Variants in GART observed in about 807,000 individuals in gnomAD.
GART encodes phosphoribosylglycinamide formyltransferase, phosphoribosylglycinamide synthetase, phosphoribosylaminoimidazole synthetase, also known as trifunctional purine biosynthetic protein adenosine-3.
GART carries 43 observed loss-of-function variants against 107.2 expected under a neutral mutation model. The observed-to-expected ratio is 0.40, with a 90% CI of 0.31 to 0.52. The LOEUF (loss-of-function observed/expected upper bound fraction) is 0.52. Ranked by LOEUF, GART falls within the 20% of genes least tolerant of loss-of-function variation. The pLI, the probability that GART is intolerant of heterozygous loss-of-function variation, is 0.52. For synonymous variants in GART, 434 were observed against 427.0 expected (o/e 1.02, Z -0.20); for missense variants, 1,107 against 1,206.5 (o/e 0.92, Z 1.22).
In GART at chr21:33,528,618, G is replaced by GAA. The variant is rs397806524; in HGVS notation, c.812-16_812-15dup. On this transcript the variant is annotated splice_polypyrimidine_tract_variant and intron_variant, in intron 8 of 21. Transcript: ENST00000381815. Reference sequence around the variant, plus strand: ...CATAGAGAATACCTTCATTAAAAAAGAAAAAAAAAAAAAAGAGAGAAAGAA... The same window carrying GAA: ...CATAGAGAATACCTTCATTAAAAAAGAAAAAAAAAAAAAAAAGAGAGAAAGAA... 47,099 of 1,032,424 alleles carry GAA rather than the reference G, an allele frequency of 0.046. 6 individuals are homozygous for GAA. Among genetic ancestry groups the GAA allele is most frequent in the South Asian group, 0.051 (2,988 of 58,382 alleles). 64.0% of individuals were successfully genotyped at this position (1,032,424 alleles called of 1,614,324 possible). A position where few individuals can be genotyped will look rare whatever the true frequency, so the allele number is the denominator to read the frequency against.
chr21:33,505,781 A>G, intron 19 of GART, 79 bp from the exon 20 acceptor site: 6 of 1,373,484 alleles, frequency 4.4e-6, no homozygotes, highest in Non-Finnish European at 6.0e-6. Flanking sequence ...TACACAGACC[A>G]TACTTCACTT....
chr21:33,530,595 T>G, intron 7 of GART, 164 bp downstream of exon 7: 7 of 658,710 alleles, frequency 1.1e-5, no homozygotes, highest in Non-Finnish European at 1.5e-5. Flanking sequence ...TAGGAAAAGT[T>G]AGTTTTAGAG....
At chr21:33,530,593 G>T in intron 7 of GART, 166 bp downstream of exon 7, 1 of 647,680 alleles carries the variant, frequency 1.5e-6, no homozygotes, top group Non-Finnish European at 2.2e-6. Flanking sequence ...TTTAGGAAAA[G>T]TTAGTTTTAG....
At chr21:33,531,840 T>A (rs549090621) in intron 5 of GART, 1 of 371,598 alleles carries the variant, frequency 2.7e-6, no homozygotes, top group Non-Finnish European at 4.8e-6. Flanking sequence ...GAAAAACAGA[T>A]GTTTTCATTA....
chr21:33,522,194 T>G lies in GART; in HGVS notation c.1387A>C (p.Arg463=). The G allele has an allele frequency of 6.2e-7, 1 of 1,611,908 alleles. No individual in the cohort carries two copies. Among genetic ancestry groups the G allele is most frequent in the Non-Finnish European group, 8.5e-7 (1 of 1,178,082 alleles). Residue 463 remains arginine (R), a synonymous_variant, in exon 12 of 22, where the codon AGA becomes CGA. Transcript: ENST00000381815. ...KIQPLAKATS[R]SGCKVDLGGF... Reference sequence around the variant, plus strand: ...AAAGTATAGGATCACTGACCTGATCTGGAAGTGGCTTTTGCTAAAGGCTGA... The same window carrying G: ...AAAGTATAGGATCACTGACCTGATCGGGAAGTGGCTTTTGCTAAAGGCTGA...
At chr21:33,515,598 CCACTGCACTCCAGTCTGGCGA>C (rs756063987) in intron 16 of GART, among the ~76,000 whole-genome samples, 3 of 146,712 alleles carry the variant, frequency 2.0e-5, no homozygotes, top group Non-Finnish European at 4.5e-5. Context: ...TGCGATTGCG[CCACTGCACTCCAGTCTGGCGA>C]CTCCAGCCTG....
intron 14 of GART, among the ~76,000 whole-genome samples, chr21:33,520,005 C>T (rs1439502475): frequency 2.0e-5 from 3 of 151,998 alleles, no homozygotes; most frequent in Admixed American, 6.6e-5. Flanking sequence ...AGGAACCCAT[C>T]TGCCTGTACC....
At chr21:33,541,608 C>T (rs375684356) in intron 1 of GART, among the ~76,000 whole-genome samples, 1 of 152,174 alleles carries the variant, frequency 6.6e-6, no homozygotes, top group Non-Finnish European at 1.5e-5. Context: ...TGGGTAGAGA[C>T]GCTGCCCCAT....
Position 33,535,325 on chromosome 21 carries a change from A to G in GART, c.146-5T>C. 1.4e-6 allele frequency: 2 copies of G among 1,382,488 alleles called. No homozygotes were observed. The highest frequency in any genetic ancestry group is 2.0e-6 in the Non-Finnish European group (2 of 1,016,264). The allele number at this position is 1,382,488 out of a possible 1,614,324, so 85.6% of individuals were successfully genotyped here. A position where few individuals can be genotyped will look rare whatever the true frequency, so the allele number is the denominator to read the frequency against. On this transcript the variant is annotated splice_polypyrimidine_tract_variant and splice_region_variant and intron_variant, in intron 2 of 21. Coordinates refer to ENST00000381815, the MANE Select transcript of GART (RefSeq NM_000819.5). ...TGTGGTCACTGATTGAGATGGCTGT[A>G]AACAGAAAAAAAAAAAAAAAAACCA...
chr21:33,531,431 A>G, intron 6 of GART, 58 bp downstream of exon 6: 4 of 1,460,860 alleles, frequency 2.7e-6, no homozygotes, highest in Non-Finnish European at 3.8e-6. Flanking sequence ...TCTGGGGTAC[A>G]CAGGTCAGAT....
At chr21:33,528,380 T>C in intron 9 of GART, 45 bp from the exon 10 acceptor site, 1 of 1,601,684 alleles carries the variant, frequency 6.2e-7, no homozygotes, top group Non-Finnish European at 8.5e-7. Context: ...AATTTTAGTT[T>C]TCCTTAAACA....
At chr21:33,519,787 C>T (rs1488844304) in intron 14 of GART, among the ~76,000 whole-genome samples, 3 of 151,498 alleles carry the variant, frequency 2.0e-5, no homozygotes, top group Non-Finnish European at 4.4e-5. Flanking sequence ...GTGATTGAAC[C>T]ACTGCACTCC....
intron 2 of GART, among the ~76,000 whole-genome samples, chr21:33,538,226 A>C (rs527357594): frequency 7.8e-4 from 99 of 126,162 alleles, no homozygotes; most frequent in African/African-American, 2.7e-3. Context: ...TATGGGTGAG[A>C]GTGAGACTCT....
chr21:33,535,452 T>C, intron 2 of GART, 132 bp from the exon 3 acceptor site: 1 of 528,904 alleles, frequency 1.9e-6, no homozygotes, highest in Non-Finnish European at 3.2e-6. Context: ...TTTCTTATAT[T>C]GGCAGAGATG....
intron 11 of GART, among the ~76,000 whole-genome samples, chr21:33,523,422 A>G (rs570670242): frequency 7.9e-5 from 12 of 152,308 alleles, no homozygotes; most frequent in African/African-American, 2.4e-4. Flanking sequence ...TAAATAATTC[A>G]GACTAGAATT....
Position 33,517,372 on chromosome 21 carries a change from C to A in GART, c.1939G>T (p.Gly647Cys). ...QYSSPAPDGC[G>C]DQTLGDLLLT... ...GGGAGTTTACCTAAAGTCTGGTCAC[C>A]ACAACCATCAGGTGCTGGAGAGGAG... Residue 647 changes from glycine to cysteine, a missense_variant, in exon 15 of 22, where the codon GGT becomes TGT. Gly to Cys is a radical substitution (Grantham distance 159). Coordinates refer to ENST00000381815, the MANE Select transcript of GART (RefSeq NM_000819.5). 1 of 1,614,070 alleles carries A rather than the reference C, an allele frequency of 6.2e-7. No homozygotes were observed. Among genetic ancestry groups the A allele is most frequent in the South Asian group, 1.1e-5 (1 of 91,084 alleles).
chr21:33,518,899 G>A, intron 14 of GART: 1 of 524,188 alleles, frequency 1.9e-6, no homozygotes, highest in Non-Finnish European at 3.7e-6. Flanking sequence ...AATGGTGAAA[G>A]TGTTCACTGC....
intron 14 of GART, 21 bp from the exon 15 acceptor site, chr21:33,517,629 C>T (rs774430332): frequency 1.9e-6 from 3 of 1,612,596 alleles, no homozygotes; most frequent in African/African-American, 1.3e-5. Context: ...AAGACAAGAA[C>T]AAAGAAATCA....
At chr21:33,542,671 T>A (rs1282545463), upstream of GART, 1 of 172,498 alleles carries the variant, frequency 5.8e-6, no homozygotes, top group African/African-American at 2.4e-5. Flanking sequence ...TGAGAGCGCC[T>A]GAAAGCCGTG....
Sources: allele counts gnomAD v4.1 joint callset (sites outside exome capture counted in the v4.1 genomes callset), GRCh38; gene constraint gnomAD v4.1.1; transcripts MANE v1.5; gene names NCBI Gene and HGNC (gene_info 2026-07-23, HGNC 2026-07-21).